The following EXOC4 variants were observed in gnomAD, a reference collection of about 807,000 sequenced individuals.
EXOC4 encodes SEC8-like 1.
A neutral mutation model predicts 107.2 loss-of-function variants in EXOC4; 71 were observed. The observed-to-expected ratio is 0.66, with a 90% confidence interval of 0.55 to 0.81. The LOEUF (loss-of-function observed/expected upper bound fraction) is 0.81. EXOC4 is among the 30% of genes least tolerant of loss of function. EXOC4 has a pLI of 0.00. For synonymous variants in EXOC4, 456 were observed against 441.2 expected, an observed-to-expected ratio of 1.03 and a Z score of -0.42; for missense variants, 1,108 against 1,189.6, an observed-to-expected ratio of 0.93 and a Z score of 1.01.
intron 9 of EXOC4, among the ~76,000 whole-genome samples, chr7:133,579,712 G>A (rs111982546): frequency 6.8e-6 from 1 of 147,030 alleles, no homozygotes; most frequent in South Asian, 2.1e-4. Flanking sequence ...TCTTGAGATG[G>A]AGTCTCACTC....
downstream of EXOC4, among the ~76,000 whole-genome samples, chr7:134,069,284 C>G (rs1468004130): frequency 4.6e-5 from 4 of 87,676 alleles, no homozygotes; most frequent in African/African-American, 2.4e-4. Context: ...CCTCCTCCTT[C>G]TCCCCCTCAT....
intron 9 of EXOC4, among the ~76,000 whole-genome samples, chr7:133,602,314 A>T (rs1199516864): frequency 6.6e-6 from 1 of 152,214 alleles, no homozygotes; most frequent in Non-Finnish European, 1.5e-5. Context: ...TAGTAGGGTC[A>T]TATCCTAGAA....
intron 10 of EXOC4, among the ~76,000 whole-genome samples, chr7:133,780,264 T>A (rs1425317689): frequency 1.3e-5 from 2 of 151,720 alleles, no homozygotes; most frequent in Non-Finnish European, 2.9e-5. Context: ...TTCTTTGTAT[T>A]TGAAATAATT....
At chr7:133,916,844 A>G (rs1177210034) in intron 12 of EXOC4, among the ~76,000 whole-genome samples, 2 of 152,220 alleles carry the variant, frequency 1.3e-5, no homozygotes, top group Non-Finnish European at 2.9e-5. Context: ...GAAATTAGTT[A>G]CAGTGACACA....
chr7:133,922,146 A>G (rs1799950496), intron 13 of EXOC4, among the ~76,000 whole-genome samples: 1 of 152,074 alleles, frequency 6.6e-6, no homozygotes, highest in Non-Finnish European at 1.5e-5. Flanking sequence ...TTATATATAC[A>G]TACTTTTAAT....
At chr7:133,736,918 C>T (rs932661669) in intron 10 of EXOC4, among the ~76,000 whole-genome samples, 3 of 152,152 alleles carry the variant, frequency 2.0e-5, no homozygotes, top group African/African-American at 7.2e-5. Flanking sequence ...CAAAGAAGAA[C>T]CTATTGTCTT....
At chr7:133,253,445 G>T in intron 1 of EXOC4, 1 of 1,221,282 alleles carries the variant, frequency 8.2e-7, no homozygotes, top group Non-Finnish European at 1.0e-6. Context: ...ACAGTCTCGG[G>T]ACCCCAAAGC....
chr7:134,031,490 G>A (rs1163900378), intron 17 of EXOC4, among the ~76,000 whole-genome samples: 2 of 152,168 alleles, frequency 1.3e-5, no homozygotes, highest in African/African-American at 2.4e-5. Flanking sequence ...GGTGATTTTA[G>A]TGTCATTACT....
At chr7:133,951,933 G>A (rs910505592) in intron 14 of EXOC4, among the ~76,000 whole-genome samples, 9 of 152,198 alleles carry the variant, frequency 5.9e-5, no homozygotes, top group South Asian at 2.1e-4. Flanking sequence ...GCCAAGGCAG[G>A]TGGATCACCT....
chr7:133,568,349 T>C (rs1026488052), intron 9 of EXOC4, among the ~76,000 whole-genome samples: 4 of 152,136 alleles, frequency 2.6e-5, no homozygotes, highest in African/African-American at 9.7e-5. Context: ...TGCAGAAATA[T>C]TTAATCTTTA....
At chr7:133,810,353 A>C (rs1040403340) in intron 10 of EXOC4, among the ~76,000 whole-genome samples, 2 of 152,128 alleles carry the variant, frequency 1.3e-5, no homozygotes, top group African/African-American at 4.8e-5. Context: ...ATTAGTTTAT[A>C]ATTTCCCTTG....
At chr7:133,256,172 A>G (rs973181350) in intron 1 of EXOC4, among the ~76,000 whole-genome samples, 7 of 152,102 alleles carry the variant, frequency 4.6e-5, no homozygotes, top group South Asian at 4.1e-4. Context: ...TAGTAGAGGC[A>G]GGGTTTCACC....
intron 9 of EXOC4, among the ~76,000 whole-genome samples, chr7:133,504,407 C>T (rs1438420581): frequency 6.6e-6 from 1 of 151,946 alleles, no homozygotes; most frequent in Non-Finnish European, 1.5e-5. Context: ...TTTAAAAGTA[C>T]AGTTTGATAT....
chr7:133,358,118 G>T (rs1796062790), intron 6 of EXOC4, among the ~76,000 whole-genome samples: 1 of 152,112 alleles, frequency 6.6e-6, no homozygotes, highest in Non-Finnish European at 1.5e-5. Context: ...AACCGGGGAG[G>T]CGAAGGTTGC....
intron 7 of EXOC4, among the ~76,000 whole-genome samples, chr7:133,425,050 C>G (rs909017143): frequency 6.6e-6 from 1 of 151,858 alleles, no homozygotes; most frequent in African/African-American, 2.4e-5. Flanking sequence ...GCCATGGTAC[C>G]CTATGAGGGA....
chr7:133,854,459 A>C (rs1424359161), intron 11 of EXOC4, among the ~76,000 whole-genome samples: 1 of 145,392 alleles, frequency 6.9e-6, no homozygotes, highest in Non-Finnish European at 1.5e-5. Flanking sequence ...CATACATTTT[A>C]ATCCTGTGCT....
intron 8 of EXOC4, chr7:133,479,239 A>G (rs1799095354): frequency 6.6e-6 from 1 of 151,820 alleles, no homozygotes; most frequent in African/African-American, 2.4e-5. Context: ...TCATAATTTT[A>G]TCTGTTTTTT....
intron 12 of EXOC4, among the ~76,000 whole-genome samples, chr7:133,908,216 A>G (rs1316616174): frequency 6.6e-6 from 1 of 152,240 alleles, no homozygotes; most frequent in African/African-American, 2.4e-5. Flanking sequence ...AATACTCAGT[A>G]AAGTATTAAT....
chr7:134,075,430 G>A, the EXOC4 span, among the ~76,000 whole-genome samples: 79 of 152,284 alleles, frequency 5.2e-4, 1 homozygote, highest in South Asian at 0.013. Context: ...TCACAGTTCC[G>A]CATGGCTTGG....
Sources: gnomAD v4.1 joint callset for allele counts (sites outside exome capture counted in the v4.1 genomes callset) on GRCh38, gnomAD v4.1.1 for gene constraint, MANE v1.5 for transcripts, NCBI Gene and HGNC (gene_info 2026-07-23, HGNC 2026-07-21) for gene names.